The following MALRD1 variants were observed in gnomAD, a reference collection of about 807,000 sequenced individuals.
The protein encoded by MALRD1 is MAM and LDL-receptor class A domain-containing protein 1.
A neutral mutation model predicts 242.1 loss-of-function variants in MALRD1; 247 were observed. The observed-to-expected ratio is 1.02, with a 90% CI of 0.92 to 1.13. The LOEUF (loss-of-function observed/expected upper bound fraction) is 1.13, where lower values mean the gene tolerates loss of function less well. Ranked by LOEUF, MALRD1 falls within the 50% of genes most tolerant of loss-of-function variation. The pLI is 0.00. For missense variants in MALRD1, 2,989 were observed against 2,533.1 expected, an observed-to-expected ratio of 1.18 and a Z score of -3.86; for synonymous variants, 995 against 866.6, an observed-to-expected ratio of 1.15 and a Z score of -2.60.
chr10:19,161,858 T>A (rs1441716911), intron 12 of MALRD1, among the ~76,000 whole-genome samples: 1 of 152,054 alleles, frequency 6.6e-6, no homozygotes. Context: ...TAAAACCCCA[T>A]TGCTACTAAA....
intron 21 of MALRD1, among the ~76,000 whole-genome samples, chr10:19,312,378 G>GTATATATATATATATATATATATA (rs112120220): frequency 1.0e-4 from 14 of 137,512 alleles, no homozygotes; most frequent in African/African-American, 3.5e-4. Context: ...AGAGGAATGT[G>GTATATATATATATATATATATATA]TATATATATA....
intron 19 of MALRD1, among the ~76,000 whole-genome samples, chr10:19,260,203 G>T (rs540519746): frequency 7.2e-5 from 11 of 152,254 alleles, no homozygotes; most frequent in African/African-American, 2.6e-4. Flanking sequence ...AGTCTCAGTA[G>T]CTTATGACTA....
At chr10:19,336,584 G>T (rs150027542) in intron 24 of MALRD1, among the ~76,000 whole-genome samples, 1 of 152,114 alleles carries the variant, frequency 6.6e-6, no homozygotes, top group Non-Finnish European at 1.5e-5. Flanking sequence ...TCAATGACAA[G>T]ACAATGTCTA....
intron 14 of MALRD1, among the ~76,000 whole-genome samples, chr10:19,195,072 T>C (rs2131593914): frequency 6.6e-6 from 1 of 152,332 alleles, no homozygotes; most frequent in African/African-American, 2.4e-5. Flanking sequence ...TTTTGTCCAG[T>C]GTATTCAGGC....
At chr10:19,268,605 A>G (rs1342757724) in intron 19 of MALRD1, among the ~76,000 whole-genome samples, 1 of 152,200 alleles carries the variant, frequency 6.6e-6, no homozygotes, top group Non-Finnish European at 1.5e-5. Context: ...TGTTAGCTAC[A>G]GGTAGATATA....
chr10:19,290,580 A>G (rs1422112544), intron 21 of MALRD1: 2 of 152,168 alleles, frequency 1.3e-5, no homozygotes, highest in Non-Finnish European at 2.9e-5. Context: ...CCTTTAAATT[A>G]TGTAGGGAAG....
chr10:19,288,293 T>C (rs1461994784), intron 21 of MALRD1, among the ~76,000 whole-genome samples: 1 of 152,092 alleles, frequency 6.6e-6, no homozygotes, highest in Non-Finnish European at 1.5e-5. Flanking sequence ...GCATTTATCC[T>C]TTGAGTTACA....
At chr10:19,566,341 G>A (rs1031383319) in intron 32 of MALRD1, among the ~76,000 whole-genome samples, 3 of 136,114 alleles carry the variant, frequency 2.2e-5, no homozygotes, top group African/African-American at 5.4e-5. Context: ...TAGTAGAGAC[G>A]TGTTAGCCAG....
At chr10:19,206,355 T>C (rs2131621235) in intron 17 of MALRD1, among the ~76,000 whole-genome samples, 1 of 152,286 alleles carries the variant, frequency 6.6e-6, no homozygotes, top group East Asian at 1.9e-4. Context: ...CACACCAATA[T>C]TTGAGTGGGT....
At chr10:19,056,467 T>A (rs1278705871) in intron 1 of MALRD1, among the ~76,000 whole-genome samples, 1 of 152,110 alleles carries the variant, frequency 6.6e-6, no homozygotes, top group Non-Finnish European at 1.5e-5. Flanking sequence ...AATGGGATAG[T>A]TTTCTAAATT....
Position 19,705,804 on chromosome 10 carries a change from T to TGAAAAAAAAAAAAAA in MALRD1, c.6314+13250_6314+13251insGAAAAAAAAAAAAAA, listed in dbSNP as rs71388859. 9.1e-4 allele frequency among the ~76,000 whole-genome samples: 94 copies of TGAAAAAAAAAAAAAA among 102,854 alleles called. 5 individuals carry two copies. The highest frequency in any genetic ancestry group is 1.1e-3 in the African/African-American group (24 of 21,020). 67.5% of individuals were successfully genotyped at this position (102,854 alleles called of 152,430 possible). ...ACCTTGTTCTCATGTCCTGCAATAG[T>TGAAAAAAAAAAAAAA]AAAAAAAAAAAAAAGCCCACAAGAG... On this transcript the variant is annotated intron_variant, in intron 38 of 39. Transcript: ENST00000454679.
chr10:19,516,065 A>T (rs1833614790), intron 31 of MALRD1, among the ~76,000 whole-genome samples: 1 of 152,192 alleles, frequency 6.6e-6, no homozygotes, highest in Non-Finnish European at 1.5e-5. Context: ...TTTAATATAG[A>T]GATAACATAA....
At chr10:19,294,784 A>C (rs2131935352) in intron 21 of MALRD1, among the ~76,000 whole-genome samples, 1 of 152,268 alleles carries the variant, frequency 6.6e-6, no homozygotes, top group South Asian at 2.1e-4. Context: ...TTGCTACAAA[A>C]TTTCTTTTTT....
At position 19,087,921 on chromosome 10, in the gene MALRD1, A is replaced by G. The variant is rs1835729216; in HGVS notation, c.422A>G (p.Gln141Arg). 1.6e-6 allele frequency: 2 copies of G among 1,233,362 alleles called. No homozygotes were observed. Among genetic ancestry groups the G allele is most frequent in the South Asian group, 4.1e-5 (1 of 24,406 alleles). 76.4% of individuals were successfully genotyped at this position (1,233,362 alleles called of 1,614,324 possible). A position where few individuals can be genotyped will look rare whatever the true frequency, so the allele number is the denominator to read the frequency against. ...RSRVFLPTNDQHDCQITFYYF... is the reference protein window; with the variant it reads ...RSRVFLPTNDRHDCQITFYYF... ...AGAGTTTTCCTTCCAACAAATGATC[A>G]ACATGACTGCCAGGTATTTGAAAGC... The change falls in exon 3 of 40, where the codon CAA (glutamine) becomes CGA (arginine). Residue 141 changes from glutamine to arginine, a missense_variant. Coordinates refer to ENST00000454679, the MANE Select transcript of MALRD1 (RefSeq NM_001142308.3).
chr10:19,535,820 C>A (rs529561803), intron 32 of MALRD1, among the ~76,000 whole-genome samples: 3 of 152,084 alleles, frequency 2.0e-5, no homozygotes, highest in South Asian at 2.1e-4. Flanking sequence ...AAACACATGA[C>A]CTCTTGAGTT....
chr10:19,113,114 A>G (rs547858232), intron 5 of MALRD1, among the ~76,000 whole-genome samples: 111 of 151,748 alleles, frequency 7.3e-4, no homozygotes, highest in African/African-American at 2.6e-3. Context: ...TTTTCTTCCA[A>G]TTTTAATGTA....
chr10:19,161,842 A>G (rs1024503380), intron 12 of MALRD1, among the ~76,000 whole-genome samples: 3 of 152,104 alleles, frequency 2.0e-5, no homozygotes, highest in African/African-American at 7.2e-5. Context: ...ATCCTGGCCA[A>G]CATGGTAAAA....
At chr10:19,271,274 T>C (rs1359359278) in intron 19 of MALRD1, among the ~76,000 whole-genome samples, 1 of 152,194 alleles carries the variant, frequency 6.6e-6, no homozygotes, top group Admixed American at 6.5e-5. Flanking sequence ...AATTACAATA[T>C]ACACATTAAC....
chr10:19,393,681 C>T (rs961179418), intron 28 of MALRD1, among the ~76,000 whole-genome samples: 1 of 150,236 alleles, frequency 6.7e-6, no homozygotes, highest in South Asian at 2.1e-4. Flanking sequence ...TGGTCTCCAT[C>T]GCCTGACCTC....
Sources: gnomAD v4.1 joint callset for allele counts (sites outside exome capture counted in the v4.1 genomes callset) on GRCh38, gnomAD v4.1.1 for gene constraint, MANE v1.5 for transcripts, NCBI Gene and HGNC (gene_info 2026-07-23, HGNC 2026-07-21) for gene names.